The following PIEZO2 variants were observed in gnomAD, a reference collection of about 807,000 sequenced individuals.
PIEZO2 encodes the protein piezo-type mechanosensitive ion channel component 2.
In PIEZO2, 172 loss-of-function variants were observed where a neutral mutation model predicts 337.3. The ratio of observed to expected loss-of-function variants is 0.51; its 90% CI spans 0.45 to 0.58. The LOEUF (loss-of-function observed/expected upper bound fraction) is 0.58. Ranked by LOEUF, PIEZO2 falls within the 20% of genes least tolerant of loss-of-function variation. The pLI is 0.00. For synonymous variants in PIEZO2, 1,251 were observed against 1,228.5 expected (o/e 1.02, Z -0.38); for missense variants, 3,028 against 3,391.3 (o/e 0.89, Z 2.66).
chr18:10,969,672 C>A lies in PIEZO2; in HGVS notation c.286+9863G>T, dbSNP rs1480559148. ...AATAAAACACGTCATTCTAATATTT[C>A]TTCATGAATTAAAAAGATGAGAAAT... On this transcript the variant is annotated intron_variant, in intron 3 of 55. Coordinates refer to ENST00000674853, the MANE Select transcript of PIEZO2 (RefSeq NM_001378183.1). This position sits in a 1 kb window ranked among gnomAD's most constrained non-coding sequence, Gnocchi z 4.5. 1.3e-5 allele frequency among the ~76,000 whole-genome samples: 2 copies of A among 151,896 alleles called. No homozygotes were observed. The highest frequency in any genetic ancestry group is 3.9e-4 in the East Asian group (2 of 5,184).
chr18:10,976,002 T>G (rs1160855490), intron 3 of PIEZO2, among the ~76,000 whole-genome samples: 5 of 152,206 alleles, frequency 3.3e-5, no homozygotes, highest in Admixed American at 3.3e-4. Context: ...ATTTGGGATA[T>G]CGAAATGACT....
intron 2 of PIEZO2, among the ~76,000 whole-genome samples, chr18:11,004,868 C>T (rs1399599884): frequency 2.0e-5 from 3 of 152,204 alleles, no homozygotes; most frequent in African/African-American, 7.2e-5. Flanking sequence ...CTACTGTGAC[C>T]AGACTGTAAG....
rs1653001477 is a variant in PIEZO2 at position 11,031,917 on chromosome 18, C to T, written c.160+34210G>A. Among the ~76,000 whole-genome samples, 1 of 152,164 alleles carries T rather than the reference C, an allele frequency of 6.6e-6. No homozygotes were observed. The highest frequency in any genetic ancestry group is 2.1e-4 in the South Asian group (1 of 4,822). On this transcript the variant is annotated intron_variant, in intron 2 of 55. Coordinates refer to ENST00000674853, the MANE Select transcript of PIEZO2 (RefSeq NM_001378183.1). The surrounding 1 kb of genome is among the most constrained non-coding windows in gnomAD (Gnocchi z 4.7). ...GCCCAACCCTTTATTCTCACCATCA[C>T]ATTTCCAAGATACGAGACAAAACTC...
intron 4 of PIEZO2, among the ~76,000 whole-genome samples, chr18:10,900,193 AC>A (rs2043008791): frequency 6.6e-6 from 1 of 151,874 alleles, no homozygotes; most frequent in South Asian, 2.1e-4. Flanking sequence ...ACACACACAC[AC>A]ACACACACAC....
At chr18:10,691,565 A>G (rs1405703541) in intron 47 of PIEZO2, among the ~76,000 whole-genome samples, 182 bp from the exon 48 acceptor site, 2 of 151,990 alleles carry the variant, frequency 1.3e-5, no homozygotes, top group African/African-American at 4.8e-5. Context: ...AAAAAATTCA[A>G]TAATTAAAAT....
At chr18:10,873,792 T>C (rs1321051828) in intron 4 of PIEZO2, among the ~76,000 whole-genome samples, 1 of 152,082 alleles carries the variant, frequency 6.6e-6, no homozygotes, top group Non-Finnish European at 1.5e-5. Context: ...CCTGAAACTA[T>C]GACACTACTA....
Position 11,092,854 on chromosome 18 carries a change from C to T in PIEZO2, c.65-26632G>A, listed in dbSNP as rs367997923. On this transcript the variant is annotated intron_variant, in intron 1 of 55. Transcript: ENST00000674853. This position sits in a 1 kb window ranked among gnomAD's most constrained non-coding sequence, Gnocchi z 4.5. ...CAGGGCCACATATCTGTCCAGGGAG[C>T]AATCGCCAGCTCTCACATCTCTTGC... 3.9e-5 allele frequency among the ~76,000 whole-genome samples: 6 copies of T among 152,310 alleles called. 1 individual carries two copies. The highest frequency in any genetic ancestry group is 1.4e-4 in the African/African-American group (6 of 41,564).
Position 11,032,026 on chromosome 18 carries a change from A to G in PIEZO2, c.160+34101T>C, listed in dbSNP as rs2036758733. Among the ~76,000 whole-genome samples the G allele has an allele frequency of 6.6e-6, 1 of 152,100 alleles. No homozygotes were observed. Among genetic ancestry groups the G allele is most frequent in the Admixed American group, 6.6e-5 (1 of 15,262 alleles). On this transcript the variant is annotated intron_variant, in intron 2 of 55. Coordinates refer to ENST00000674853, the MANE Select transcript of PIEZO2 (RefSeq NM_001378183.1). The surrounding 1 kb of genome is among the most constrained non-coding windows in gnomAD (Gnocchi z 4.9). The stretch of plus-strand genomic sequence containing the variant: ...ACACAGATATTTACTGCTGATTCCA[A>G]TGACGATGGCAATAAAGTAATGATG...
At chr18:10,738,626 C>A (rs953426102) in intron 33 of PIEZO2, 1 of 152,168 alleles carries the variant, frequency 6.6e-6, no homozygotes, top group Non-Finnish European at 1.5e-5. Context: ...GCTCAGATGG[C>A]GAACCTGACT....
Position 10,794,640 on chromosome 18 carries a change from C to G in PIEZO2, c.1758+132G>C. 1 of 737,082 alleles carries G rather than the reference C, an allele frequency of 1.4e-6. No individual in the cohort carries two copies. Among genetic ancestry groups the G allele is most frequent in the Non-Finnish European group, 2.2e-6 (1 of 464,740 alleles). The allele number at this position is 737,082 out of a possible 1,614,324, so 45.7% of individuals were successfully genotyped here. A position where few individuals can be genotyped will look rare whatever the true frequency, so the allele number is the denominator to read the frequency against. ...AGCACCGCAAACTGTTTCTTACAGT[C>G]TCATGTTTGTTCATTTTTACAAAGC... On this transcript the variant is annotated intron_variant, in intron 13 of 55. Coordinates refer to ENST00000674853, the MANE Select transcript of PIEZO2 (RefSeq NM_001378183.1). This position sits in a 1 kb window ranked among gnomAD's most constrained non-coding sequence, Gnocchi z 6.6.
chr18:11,133,866 C>G (rs560144209), intron 1 of PIEZO2, among the ~76,000 whole-genome samples: 5 of 151,224 alleles, frequency 3.3e-5, no homozygotes, highest in Admixed American at 1.3e-4. Context: ...ATAAACTCCT[C>G]TCTCTCTATA....
At position 10,982,662 on chromosome 18, in the gene PIEZO2, G is replaced by A. The variant is rs188122886; in HGVS notation, c.161-3002C>T. 1.1e-4 allele frequency among the ~76,000 whole-genome samples: 17 copies of A among 152,220 alleles called. No individual in the cohort carries two copies. The East Asian group carries it at 1.5e-3, about 14-fold the overall frequency. On this transcript the variant is annotated intron_variant, in intron 2 of 55. Coordinates refer to ENST00000674853, the MANE Select transcript of PIEZO2 (RefSeq NM_001378183.1). This position sits in a 1 kb window ranked among gnomAD's most constrained non-coding sequence, Gnocchi z 4.1. Reference sequence around the variant, plus strand: ...TTTTGAAATTTTGAAGAATACGATCGAAAGTGGGTGAGGTTGGTGTATCAT... The same window carrying A: ...TTTTGAAATTTTGAAGAATACGATCAAAAGTGGGTGAGGTTGGTGTATCAT...
In PIEZO2 at chr18:10,854,130, GT is replaced by G. The variant is rs1319523540; in HGVS notation, c.917+1222del. Among the ~76,000 whole-genome samples the G allele has an allele frequency of 1.3e-5, 2 of 151,850 alleles. No individual in the cohort carries two copies. Among genetic ancestry groups the G allele is most frequent in the African/African-American group, 2.4e-5 (1 of 41,328 alleles). On this transcript the variant is annotated intron_variant, in intron 7 of 55. Coordinates refer to ENST00000674853, the MANE Select transcript of PIEZO2 (RefSeq NM_001378183.1). The surrounding 1 kb of genome is among the most constrained non-coding windows in gnomAD (Gnocchi z 4.6). ...ATCCACATTTTGAATTCTTTTGATT[GT>G]TTTTCTTGTGGAGCTATTTAAACTG...
At position 10,929,268 on chromosome 18, in the gene PIEZO2, G is replaced by A. The variant is rs185376999; in HGVS notation, c.287-18040C>T. Among the ~76,000 whole-genome samples, 31 of 152,328 alleles carry A rather than the reference G, an allele frequency of 2.0e-4. No individual in the cohort carries two copies. Among genetic ancestry groups the A allele is most frequent in the African/African-American group, 7.2e-4 (30 of 41,572 alleles). ...TCAAGAAAAGAAATTAAAAGTGTGA[G>A]CGAGCTGCAAACGTGCACGCATCAT... On this transcript the variant is annotated intron_variant, in intron 3 of 55. Coordinates refer to ENST00000674853, the MANE Select transcript of PIEZO2 (RefSeq NM_001378183.1). This position sits in a 1 kb window ranked among gnomAD's most constrained non-coding sequence, Gnocchi z 5.6.
At chr18:11,052,964 CA>C (rs58966647) in intron 2 of PIEZO2, among the ~76,000 whole-genome samples, 45,975 of 151,956 alleles carry the variant, frequency 0.3, 7,578 homozygotes, top group East Asian at 0.73. Context: ...TGCAAATTTG[CA>C]GGAGCGTTAG....
intron 3 of PIEZO2, among the ~76,000 whole-genome samples, chr18:10,970,645 A>G (rs11875598): frequency 0.02 from 2,983 of 149,676 alleles, 110 homozygotes; most frequent in African/African-American, 0.069. Context: ...CAAAACTTAG[A>G]ACAAAAAAGA....
rs2042664047 is a variant in PIEZO2, at chr18:10,888,257, T to C, written c.330-16842A>G. ...CTTCTCTTTTATTAGATAGACTGTA[T>C]TTGAAACTACAATTCTGATGCTGAA... On this transcript the variant is annotated intron_variant, in intron 4 of 55. Transcript: ENST00000674853. The surrounding 1 kb of genome is among the most constrained non-coding windows in gnomAD (Gnocchi z 4.1). 6.6e-6 allele frequency among the ~76,000 whole-genome samples: 1 copy of C among 152,196 alleles called. No homozygotes were observed. The highest frequency in any genetic ancestry group is 1.5e-5 in the Non-Finnish European group (1 of 68,044).
In PIEZO2 at chr18:10,748,745, A is replaced by C; in HGVS notation, c.4265-115T>G. 3.2e-6 allele frequency: 3 copies of C among 929,770 alleles called. No individual in the cohort carries two copies. The highest frequency in any genetic ancestry group is 1.9e-5 in the South Asian group (1 of 53,320). The allele number at this position is 929,770 out of a possible 1,614,324, so 57.6% of individuals were successfully genotyped here. Reference sequence around the variant, plus strand: ...ATATAGGCATAAAAGCAGCATTCTGATGCTCTGACTTACTTATGAGTTGAT... The same window carrying C: ...ATATAGGCATAAAAGCAGCATTCTGCTGCTCTGACTTACTTATGAGTTGAT... On this transcript the variant is annotated intron_variant, in intron 29 of 55. Coordinates refer to ENST00000674853, the MANE Select transcript of PIEZO2 (RefSeq NM_001378183.1). This position sits in a 1 kb window ranked among gnomAD's most constrained non-coding sequence, Gnocchi z 5.1.
rs182954288 is a variant in PIEZO2 at position 11,002,916 on chromosome 18, G to T, written c.161-23256C>A. On this transcript the variant is annotated intron_variant, in intron 2 of 55. Coordinates refer to ENST00000674853, the MANE Select transcript of PIEZO2 (RefSeq NM_001378183.1). The surrounding 1 kb of genome is among the most constrained non-coding windows in gnomAD (Gnocchi z 4.3). Reference sequence around the variant, plus strand: ...TAGAAACATCCAATGGGGATGTAAAGAATTTTCTTTAGTAGAATCAGTTGA... The same window carrying T: ...TAGAAACATCCAATGGGGATGTAAATAATTTTCTTTAGTAGAATCAGTTGA... Among the ~76,000 whole-genome samples, 200 of 152,364 alleles carry T rather than the reference G, an allele frequency of 1.3e-3. 1 individual carries two copies. The highest frequency in any genetic ancestry group is 7.4e-3 in the Admixed American group (113 of 15,308).
Sources: allele counts gnomAD v4.1 joint callset (sites outside exome capture counted in the v4.1 genomes callset), GRCh38; gene constraint gnomAD v4.1.1; non-coding constraint Gnocchi (gnomAD v3.1); transcripts MANE v1.5; gene names NCBI Gene and HGNC (gene_info 2026-07-23, HGNC 2026-07-21).